Variants in E2F3 observed in about 807,000 individuals in gnomAD.
E2F3 encodes the protein transcription factor E2F3.
E2F3 carries 11 observed loss-of-function variants against 44.4 expected under a neutral mutation model. That is an observed-to-expected ratio of 0.25 (90% CI 0.16 to 0.41). The LOEUF is 0.41. Ranked by LOEUF, E2F3 falls within the 10% of genes least tolerant of loss-of-function variation. The probability of loss-of-function intolerance (pLI) is 1.00; values close to 1 mark genes in which losing one functional copy is unlikely to be tolerated. For missense variants in E2F3, 487 were observed against 583.6 expected, an observed-to-expected ratio of 0.83 and a Z score of 1.70; for synonymous variants, 249 against 253.0, an observed-to-expected ratio of 0.98 and a Z score of 0.15.
At position 20,492,360 on chromosome 6, in the gene E2F3, C is replaced by T. The variant is rs1274817472; in HGVS notation, c.*1930C>T. On this transcript the variant is annotated 3_prime_UTR_variant, in exon 7 of 7. Transcript: ENST00000346618. ...CTTCTTCAGCCTCCATCCCTGGCCT[C>T]CTCCCCTCACACACACTGGACTTGG... The T allele has an allele frequency of 4.3e-6, 1 of 233,550 alleles. No homozygotes were observed. Among genetic ancestry groups the T allele is most frequent in the African/African-American group, 2.2e-5 (1 of 45,300 alleles). 14.5% of individuals were successfully genotyped at this position (233,550 alleles called of 1,614,324 possible). A position where few individuals can be genotyped will look rare whatever the true frequency, so the allele number is the denominator to read the frequency against.
chr6:20,414,550 C>T (rs962706893), intron 1 of E2F3, among the ~76,000 whole-genome samples: 1 of 152,014 alleles, frequency 6.6e-6, no homozygotes, highest in African/African-American at 2.4e-5. Flanking sequence ...TTTGAATACT[C>T]CTGTCTAGGA....
chr6:20,441,725 A>ATTT (rs70990031), intron 1 of E2F3, among the ~76,000 whole-genome samples: 3 of 119,336 alleles, frequency 2.5e-5, no homozygotes, highest in Admixed American at 9.0e-5. Context: ...CGCGTGGGTA[A>ATTT]TTTTTTTTTT....
chr6:20,488,716 C>G (rs1561889235), intron 6 of E2F3, among the ~76,000 whole-genome samples: 1 of 152,142 alleles, frequency 6.6e-6, no homozygotes, highest in Non-Finnish European at 1.5e-5. Context: ...GTAAGTCTTG[C>G]CGGGTGCGGT....
intron 1 of E2F3, among the ~76,000 whole-genome samples, chr6:20,446,708 A>G (rs912255987): frequency 1.3e-5 from 2 of 152,008 alleles, no homozygotes; most frequent in Non-Finnish European, 2.9e-5. Context: ...TGGGACTACT[A>G]CAGGTGTGCG....
At chr6:20,430,414 CT>C (rs1364984976) in intron 1 of E2F3, among the ~76,000 whole-genome samples, 4 of 152,102 alleles carry the variant, frequency 2.6e-5, no homozygotes, top group African/African-American at 4.8e-5. Context: ...GGATGTTTTA[CT>C]TTACAAAGTA....
chr6:20,445,046 T>C (rs1159881740), intron 1 of E2F3: 3 of 984,958 alleles, frequency 3.0e-6, no homozygotes, highest in East Asian at 1.1e-4. Flanking sequence ...GTTTAAGCAT[T>C]TGGACCAATA....
intron 1 of E2F3, among the ~76,000 whole-genome samples, chr6:20,465,610 C>T (rs563929017): frequency 6.6e-6 from 1 of 152,314 alleles, no homozygotes; most frequent in East Asian, 1.9e-4. Flanking sequence ...TTATCCCTCA[C>T]TCCCCTGCGT....
At chr6:20,415,582 C>A (rs1403080400) in intron 1 of E2F3, among the ~76,000 whole-genome samples, 1 of 152,112 alleles carries the variant, frequency 6.6e-6, no homozygotes, top group Non-Finnish European at 1.5e-5. Flanking sequence ...TGAGAACCAC[C>A]GAACTAGACC....
intron 1 of E2F3, chr6:20,403,741 C>A: frequency 6.8e-7 from 1 of 1,462,724 alleles, no homozygotes; most frequent in East Asian, 2.9e-5. Flanking sequence ...CCTGCGCCGC[C>A]GGTCTGTTCG....
intron 1 of E2F3, among the ~76,000 whole-genome samples, chr6:20,428,311 C>T (rs1760282748): frequency 6.6e-6 from 1 of 152,154 alleles, no homozygotes; most frequent in Admixed American, 6.5e-5. Context: ...GCAACCTCTG[C>T]TTCCCGGATT....
At chr6:20,450,218 G>A (rs1761083854) in intron 1 of E2F3, among the ~76,000 whole-genome samples, 2 of 152,098 alleles carry the variant, frequency 1.3e-5, no homozygotes, top group Admixed American at 1.3e-4. Flanking sequence ...TTCCATAATG[G>A]TTGAACTAAT....
intron 4 of E2F3, among the ~76,000 whole-genome samples, chr6:20,486,123 T>C (rs1211166051): frequency 2.6e-5 from 4 of 152,254 alleles, no homozygotes; most frequent in Non-Finnish European, 5.9e-5. Flanking sequence ...TTATTTTAAC[T>C]GTTCTGTTTC....
At chr6:20,426,910 AC>A (rs1314386676) in intron 1 of E2F3, among the ~76,000 whole-genome samples, 1 of 152,182 alleles carries the variant, frequency 6.6e-6, no homozygotes, top group East Asian at 1.9e-4. Context: ...TTGAAATTAG[AC>A]CTAGAATCTA....
At chr6:20,423,117 A>G (rs1760082232) in intron 1 of E2F3, among the ~76,000 whole-genome samples, 1 of 152,088 alleles carries the variant, frequency 6.6e-6, no homozygotes, top group South Asian at 2.1e-4. Context: ...ACATATGTTT[A>G]TTTAGTTTTT....
At chr6:20,442,294 T>C (rs1760804515) in intron 1 of E2F3, among the ~76,000 whole-genome samples, 1 of 152,138 alleles carries the variant, frequency 6.6e-6, no homozygotes, top group Non-Finnish European at 1.5e-5. Context: ...TGCCTTTGAG[T>C]CTTTTCATTC....
chr6:20,421,518 G>C (rs1760026334), intron 1 of E2F3: 1 of 152,154 alleles, frequency 6.6e-6, no homozygotes, highest in South Asian at 2.1e-4. Context: ...GTGTGACCAG[G>C]TCTATTGTCA....
chr6:20,457,381 G>A (rs1038216837), intron 1 of E2F3, among the ~76,000 whole-genome samples: 3 of 146,426 alleles, frequency 2.0e-5, no homozygotes, highest in African/African-American at 7.6e-5. Flanking sequence ...TAGAGATGGG[G>A]TTTCACCATG....
chr6:20,451,194 T>C lies in E2F3; in HGVS notation c.394-28652T>C, dbSNP rs540788647. On this transcript the variant is annotated intron_variant, in intron 1 of 6. Transcript: ENST00000346618. ...TGTTGGTAGTTTGATAGGAATAACATTGAATGTGTAAATTGCTTATGTTTT... is the reference window on the plus strand; with the variant it reads ...TGTTGGTAGTTTGATAGGAATAACACTGAATGTGTAAATTGCTTATGTTTT... Among the ~76,000 whole-genome samples the C allele has an allele frequency of 4.6e-5, 7 of 152,354 alleles. No individual in the cohort carries two copies. In the South Asian group the frequency reaches 1.0e-3, roughly 23 times the overall value.
chr6:20,482,204 C>T (rs1251645432), intron 3 of E2F3, among the ~76,000 whole-genome samples: 1 of 152,178 alleles, frequency 6.6e-6, no homozygotes, highest in East Asian at 1.9e-4. Context: ...TTTAGAGAAA[C>T]ATATTGTGCA....
Sources: allele counts gnomAD v4.1 joint callset (sites outside exome capture counted in the v4.1 genomes callset), GRCh38; gene constraint gnomAD v4.1.1; transcripts MANE v1.5; gene names NCBI Gene and HGNC (gene_info 2026-07-23, HGNC 2026-07-21).